The following TEAD1 variants were observed in gnomAD, a reference collection of about 807,000 sequenced individuals.
TEAD1 encodes transcriptional enhancer factor TEF-1.
Under a neutral mutation model 54.9 loss-of-function variants are expected in TEAD1, and 9 were observed. That is an observed-to-expected ratio of 0.16 (90% CI 0.10 to 0.29). The LOEUF (loss-of-function observed/expected upper bound fraction) is 0.29, where lower values mean the gene tolerates loss of function less well. TEAD1 is among the 10% of genes least tolerant of loss of function. The pLI, the probability that TEAD1 is intolerant of heterozygous loss-of-function variation, is 1.00. For missense variants in TEAD1, 387 were observed against 535.9 expected (o/e 0.72, Z 2.74); for synonymous variants, 200 against 187.8 (o/e 1.07, Z -0.53).
At chr11:12,727,544 G>C (rs927860875) in intron 2 of TEAD1, among the ~76,000 whole-genome samples, 1 of 152,144 alleles carries the variant, frequency 6.6e-6, no homozygotes, top group Admixed American at 6.5e-5. Context: ...AAAATATTAA[G>C]TATGAAGCCA....
intron 2 of TEAD1, among the ~76,000 whole-genome samples, chr11:12,688,615 C>T (rs929804014): frequency 1.1e-4 from 16 of 152,142 alleles, no homozygotes; most frequent in South Asian, 2.1e-4. Context: ...GTAAGGTAGC[C>T]GGAAAGCATG....
chr11:12,795,031 G>A (rs1040434389), intron 3 of TEAD1, among the ~76,000 whole-genome samples: 3 of 152,192 alleles, frequency 2.0e-5, no homozygotes, highest in African/African-American at 7.2e-5. Context: ...GTGTAAACTA[G>A]GTGACCTAAA....
intron 10 of TEAD1, among the ~76,000 whole-genome samples, chr11:12,923,177 C>G (rs1443844609): frequency 2.0e-5 from 3 of 152,060 alleles, no homozygotes; most frequent in Non-Finnish European, 4.4e-5. Context: ...TGTCACTGTT[C>G]CAGGCCTGTC....
chr11:12,908,207 T>A (rs980427713), intron 10 of TEAD1, among the ~76,000 whole-genome samples: 2 of 152,154 alleles, frequency 1.3e-5, no homozygotes, highest in Non-Finnish European at 2.9e-5. Flanking sequence ...GAACCAGACC[T>A]CCTCTATGTG....
chr11:12,804,898 A>T (rs1452239759), intron 3 of TEAD1, among the ~76,000 whole-genome samples: 1 of 152,196 alleles, frequency 6.6e-6, no homozygotes, highest in East Asian at 1.9e-4. Context: ...CATTCAAAGG[A>T]TGGGGTGGAT....
At chr11:12,922,192 C>CTTTTTTTT (rs756723520) in intron 10 of TEAD1, among the ~76,000 whole-genome samples, 2 of 94,518 alleles carry the variant, frequency 2.1e-5, no homozygotes, top group African/African-American at 8.7e-5. Context: ...ACATGGTTCT[C>CTTTTTTTT]TTTTTTTTTT....
chr11:12,717,959 A>T (rs1413298712), intron 2 of TEAD1, among the ~76,000 whole-genome samples: 1 of 152,204 alleles, frequency 6.6e-6, no homozygotes, highest in African/African-American at 2.4e-5. Context: ...GAGTTAACGG[A>T]TATGAAGGGC....
At chr11:12,919,330 G>T (rs117940524) in intron 10 of TEAD1, among the ~76,000 whole-genome samples, 1 of 152,110 alleles carries the variant, frequency 6.6e-6, no homozygotes, top group Non-Finnish European at 1.5e-5. Context: ...ATGGTCTGCC[G>T]CAGCTGCAAG....
chr11:12,847,673 A>G (rs1947182875), intron 3 of TEAD1, among the ~76,000 whole-genome samples: 3 of 152,190 alleles, frequency 2.0e-5, no homozygotes, highest in Admixed American at 2.0e-4. Flanking sequence ...TACCTAGATC[A>G]TTAGAAATTT....
chr11:12,729,237 A>G (rs536352969), intron 2 of TEAD1, among the ~76,000 whole-genome samples: 1 of 152,328 alleles, frequency 6.6e-6, no homozygotes, highest in East Asian at 1.9e-4. Context: ...GATCATGTGG[A>G]CGAGATTCCC....
intron 3 of TEAD1, among the ~76,000 whole-genome samples, chr11:12,798,181 C>T (rs142269597): frequency 6.6e-6 from 1 of 152,082 alleles, no homozygotes; most frequent in Non-Finnish European, 1.5e-5. Flanking sequence ...GGTTGGCCCC[C>T]GTTGCTGACT....
At chr11:12,888,021 G>A (rs760242482) in intron 9 of TEAD1, among the ~76,000 whole-genome samples, 16 of 152,208 alleles carry the variant, frequency 1.1e-4, no homozygotes, top group Non-Finnish European at 2.1e-4. Flanking sequence ...GAACTTATAG[G>A]TAGTGCTGGC....
intron 2 of TEAD1, among the ~76,000 whole-genome samples, chr11:12,741,709 T>A (rs1023224787): frequency 6.6e-6 from 1 of 152,152 alleles, no homozygotes; most frequent in African/African-American, 2.4e-5. Flanking sequence ...AAAATGCAGG[T>A]TCAGGATATT....
intron 2 of TEAD1, among the ~76,000 whole-genome samples, chr11:12,738,046 A>G (rs1288452943): frequency 6.6e-6 from 1 of 152,086 alleles, no homozygotes; most frequent in African/African-American, 2.4e-5. Context: ...CACTACCACA[A>G]GAACAGTATG....
intron 3 of TEAD1, among the ~76,000 whole-genome samples, chr11:12,775,711 C>T (rs556422057): frequency 6.6e-6 from 1 of 152,170 alleles, no homozygotes; most frequent in Non-Finnish European, 1.5e-5. Flanking sequence ...GAGGAATTTA[C>T]AGTCTACTAA....
chr11:12,852,287 T>C (rs947165711), intron 3 of TEAD1, among the ~76,000 whole-genome samples: 5 of 151,922 alleles, frequency 3.3e-5, no homozygotes, highest in Non-Finnish European at 5.9e-5. Flanking sequence ...CCTGTTGGTA[T>C]AGGAAGGCAA....
intron 3 of TEAD1, among the ~76,000 whole-genome samples, chr11:12,814,791 G>A (rs1156639951): frequency 9.0e-5 from 1 of 11,120 alleles, no homozygotes; most frequent in African/African-American, 2.4e-4. Flanking sequence ...GTGTGTGTGT[G>A]TGTGTGTGTG....
intron 9 of TEAD1, among the ~76,000 whole-genome samples, chr11:12,884,558 G>A (rs1178450978): frequency 6.6e-6 from 1 of 152,176 alleles, no homozygotes; most frequent in Non-Finnish European, 1.5e-5. Context: ...GTGGGGCAGA[G>A]GGGCTTGACC....
At chr11:12,676,292 G>A (rs889464621) in intron 2 of TEAD1, among the ~76,000 whole-genome samples, 4 of 152,336 alleles carry the variant, frequency 2.6e-5, no homozygotes, top group African/African-American at 9.6e-5. Flanking sequence ...GGCTTGGGGT[G>A]CGCTGGTTGC....
Sources: gnomAD v4.1 joint callset for allele counts (sites outside exome capture counted in the v4.1 genomes callset) on GRCh38, gnomAD v4.1.1 for gene constraint, MANE v1.5 for transcripts, NCBI Gene and HGNC (gene_info 2026-07-23, HGNC 2026-07-21) for gene names.